PRKN: variants seen among roughly 807,000 people sequenced by gnomAD.
PRKN encodes the protein E3 ubiquitin-protein ligase parkin.
A neutral mutation model predicts 59.5 loss-of-function variants in PRKN; 56 were observed. The observed-to-expected ratio is 0.94, with a 90% CI of 0.76 to 1.18. The LOEUF (loss-of-function observed/expected upper bound fraction) is 1.18. Ranked by LOEUF, PRKN falls within the 50% of genes most tolerant of loss-of-function variation. PRKN has a pLI of 0.00. For synonymous variants in PRKN, 250 were observed against 222.1 expected (o/e 1.13, Z -1.12); for missense variants, 657 against 596.4 (o/e 1.10, Z -1.06).
rs1471730903 is a variant in PRKN at position 161,360,565 on chromosome 6, T to C, written c.1168-360A>G. ...ATTAGACACTTCATCAGATGTGAAGTGAGGATCTAGTTTTTATTCCACATT... is the reference window on the plus strand; with the variant it reads ...ATTAGACACTTCATCAGATGTGAAGCGAGGATCTAGTTTTTATTCCACATT... On this transcript the variant is annotated intron_variant, in intron 10 of 11. Transcript: ENST00000366898. This position sits in a 1 kb window ranked among gnomAD's most constrained non-coding sequence, Gnocchi z 5.1. 6.6e-6 allele frequency among the ~76,000 whole-genome samples: 1 copy of C among 152,218 alleles called. No homozygotes were observed. The highest frequency in any genetic ancestry group is 1.5e-5 in the Non-Finnish European group (1 of 68,040).
At chr6:162,135,233 C>A (rs1781520924) in intron 4 of PRKN, among the ~76,000 whole-genome samples, 1 of 152,142 alleles carries the variant, frequency 6.6e-6, no homozygotes, top group Non-Finnish European at 1.5e-5. Flanking sequence ...AACCCCTAGG[C>A]TCAAGAGATC....
rs138427486 is a variant in PRKN at position 162,289,645 on chromosome 6, C to G, written c.172-26880G>C. On this transcript the variant is annotated intron_variant, in intron 2 of 11. Coordinates refer to ENST00000366898, the MANE Select transcript of PRKN (RefSeq NM_004562.3). ...CTGGGAGATGGAGGTTGCAGTGAGCCGAGATAACTCTAGCCTCAGCCAACA... is the reference window on the plus strand; with the variant it reads ...CTGGGAGATGGAGGTTGCAGTGAGCGGAGATAACTCTAGCCTCAGCCAACA... Among the ~76,000 whole-genome samples, 1,154 of 149,912 alleles carry G rather than the reference C, an allele frequency of 7.7e-3. 16 individuals carry two copies. Among genetic ancestry groups the G allele is most frequent in the African/African-American group, 0.027 (1,111 of 40,476 alleles).
Position 161,457,234 on chromosome 6 carries a change from T to C in PRKN, c.1084-70357A>G, listed in dbSNP as rs1247618390. ...TAATAATGCATTCCATTACTTTTCC[T>C]ACACATGTGTCTCTGTTAAGCACTT... is the stretch of plus-strand genomic sequence containing the variant. On this transcript the variant is annotated intron_variant, in intron 9 of 11. Transcript: ENST00000366898. The surrounding 1 kb of genome is among the most constrained non-coding windows in gnomAD (Gnocchi z 5.0). Among the ~76,000 whole-genome samples the C allele has an allele frequency of 6.6e-6, 1 of 152,230 alleles. No individual in the cohort carries two copies. Among genetic ancestry groups the C allele is most frequent in the Non-Finnish European group, 1.5e-5 (1 of 68,040 alleles).
intron 7 of PRKN, among the ~76,000 whole-genome samples, chr6:161,648,202 T>G (rs575330566): frequency 6.6e-6 from 1 of 152,342 alleles, no homozygotes; most frequent in African/African-American, 2.4e-5. Context: ...GCCTTATTAT[T>G]TTTTTAAACT....
chr6:161,914,782 C>T (rs1024705396), intron 6 of PRKN, among the ~76,000 whole-genome samples: 6 of 151,672 alleles, frequency 4.0e-5, no homozygotes, highest in Non-Finnish European at 7.4e-5. Context: ...AACTGGCAAG[C>T]GATACTCATG....
At chr6:161,368,107 C>T (rs1349161687) in intron 10 of PRKN, among the ~76,000 whole-genome samples, 1 of 151,442 alleles carries the variant, frequency 6.6e-6, no homozygotes, top group Non-Finnish European at 1.5e-5. Context: ...TGGAAGTCCC[C>T]GGGGACTTTT....
intron 7 of PRKN, among the ~76,000 whole-genome samples, chr6:161,744,966 T>C (rs1445988393): frequency 2.0e-5 from 3 of 152,218 alleles, no homozygotes; most frequent in African/African-American, 2.4e-5. Context: ...ATTAGCGTTA[T>C]GTCCACTTGG....
At chr6:162,721,573 T>A (rs771055787) in intron 1 of PRKN, among the ~76,000 whole-genome samples, 1 of 152,152 alleles carries the variant, frequency 6.6e-6, no homozygotes, top group Non-Finnish European at 1.5e-5. Flanking sequence ...TAACTCCTAC[T>A]TGTCCTGCAG....
chr6:161,737,929 A>T (rs1048069825), intron 7 of PRKN, among the ~76,000 whole-genome samples: 1 of 152,220 alleles, frequency 6.6e-6, no homozygotes. Flanking sequence ...TCACTGAACC[A>T]CTATTACCAT....
intron 6 of PRKN, among the ~76,000 whole-genome samples, chr6:161,833,449 A>G (rs1275571752): frequency 6.6e-6 from 1 of 152,192 alleles, no homozygotes; most frequent in African/African-American, 2.4e-5. Context: ...CGCAAAAGAA[A>G]AGGTTTTGAC....
intron 2 of PRKN, among the ~76,000 whole-genome samples, chr6:162,297,834 G>C (rs1781750401): frequency 1.3e-5 from 2 of 152,150 alleles, no homozygotes; most frequent in South Asian, 2.1e-4. Flanking sequence ...TTACAGTCCA[G>C]TGACACCTCC....
At chr6:162,711,760 C>T (rs1778546505) in intron 1 of PRKN, among the ~76,000 whole-genome samples, 1 of 152,128 alleles carries the variant, frequency 6.6e-6, no homozygotes, top group Non-Finnish European at 1.5e-5. Context: ...GAAAGTAGGC[C>T]ACAGAATGTC....
chr6:162,030,099 G>C (rs1239104981), intron 5 of PRKN, among the ~76,000 whole-genome samples: 1 of 152,140 alleles, frequency 6.6e-6, no homozygotes, highest in African/African-American at 2.4e-5. Flanking sequence ...CTCAGCCTCT[G>C]AAAGTGCTGA....
chr6:161,932,297 CATA>C (rs1426726990), intron 6 of PRKN, among the ~76,000 whole-genome samples: 3 of 152,172 alleles, frequency 2.0e-5, no homozygotes, highest in African/African-American at 4.8e-5. Context: ...CTTCCTCCCA[CATA>C]ATGTTTAAGA....
chr6:161,920,463 G>A (rs1472385956), intron 6 of PRKN, among the ~76,000 whole-genome samples: 1 of 151,902 alleles, frequency 6.6e-6, no homozygotes, highest in Non-Finnish European at 1.5e-5. Context: ...CATGGAAAAG[G>A]TACAGTGAAA....
At chr6:162,716,457 C>CT (rs1172104725) in intron 1 of PRKN, among the ~76,000 whole-genome samples, 17 of 152,216 alleles carry the variant, frequency 1.1e-4, no homozygotes, top group African/African-American at 4.1e-4. Flanking sequence ...CATGAAGTGT[C>CT]TAACGCTCAT....
intron 6 of PRKN, among the ~76,000 whole-genome samples, chr6:161,801,236 G>T (rs12110821): frequency 8.7e-4 from 132 of 152,348 alleles, no homozygotes; most frequent in African/African-American, 3.1e-3. Context: ...GGATGCTACG[G>T]ACATTTGCTG....
rs75072793 is a variant in PRKN, at chr6:162,575,520, C to T, written c.8-132047G>A. Among the ~76,000 whole-genome samples the T allele has an allele frequency of 6.6e-3, 1,002 of 151,558 alleles. 6 individuals carry two copies. The highest frequency in any genetic ancestry group is 0.038 in the East Asian group (196 of 5,142). On this transcript the variant is annotated intron_variant, in intron 1 of 11. Transcript: ENST00000366898. ...TCCCTTGGTCTTTTTTCATTTAATGCAGTCTTACTTGTTGACCCCCTAGCT... is the reference window on the plus strand; with the variant it reads ...TCCCTTGGTCTTTTTTCATTTAATGTAGTCTTACTTGTTGACCCCCTAGCT...
chr6:162,632,673 A>T (rs912567427), intron 1 of PRKN, among the ~76,000 whole-genome samples: 1 of 152,106 alleles, frequency 6.6e-6, no homozygotes, highest in African/African-American at 2.4e-5. Flanking sequence ...ATAAATTAAA[A>T]AAATAAATAA....
Sources: gnomAD v4.1 joint callset for allele counts (sites outside exome capture counted in the v4.1 genomes callset) on GRCh38, gnomAD v4.1.1 for gene constraint, Gnocchi (gnomAD v3.1) non-coding constraint, MANE v1.5 for transcripts, NCBI Gene and HGNC (gene_info 2026-07-23, HGNC 2026-07-21) for gene names.